TUBAL3: variants seen among roughly 807,000 people sequenced by gnomAD.
TUBAL3 encodes the protein tubulin alpha like 3.
In TUBAL3, 16 loss-of-function variants were observed where a neutral mutation model predicts 15.5. That is an observed-to-expected ratio of 1.04 (90% CI 0.70 to 1.57). TUBAL3 has a LOEUF of 1.57. Among genes scored for constraint, TUBAL3 ranks in the 40% most tolerant of loss-of-function variants. The pLI, the probability that TUBAL3 is intolerant of heterozygous loss-of-function variation, is 0.00. For synonymous variants in TUBAL3, 238 were observed against 224.3 expected, an observed-to-expected ratio of 1.06 and a Z score of -0.55; for missense variants, 609 against 576.2, an observed-to-expected ratio of 1.06 and a Z score of -0.58.
chr10:5,395,475 T>A lies in TUBAL3; in HGVS notation c.248A>T (p.Asp83Val). Residue 83 changes from aspartate to valine, a missense_variant and splice_region_variant, in exon 3 of 4, where the codon GAT becomes GTT. Coordinates refer to ENST00000380419, the MANE Select transcript of TUBAL3 (RefSeq NM_024803.3). This position sits in a 1 kb window ranked among gnomAD's most constrained non-coding sequence, Gnocchi z 4.6. The stretch of plus-strand genomic sequence containing the variant: ...ACGGTGCTGGCCCGTCCGGATCCCA[T>A]CTGCAGAGGGTGAAAGGAGGTCAGT... ...LFVDLEPTVIDGIRTGQHRSL... is the reference protein window; with the variant it reads ...LFVDLEPTVIVGIRTGQHRSL... 6.6e-7 allele frequency: 1 copy of A among 1,520,288 alleles called. No homozygotes were observed. The highest frequency in any genetic ancestry group is 8.9e-7 in the Non-Finnish European group (1 of 1,123,452). 94.2% of individuals were successfully genotyped at this position (1,520,288 alleles called of 1,614,324 possible).
chr10:5,400,646 T>C (rs1554814546), intron 2 of TUBAL3, among the ~76,000 whole-genome samples, 198 bp downstream of exon 2: 2 of 152,138 alleles, frequency 1.3e-5, no homozygotes, highest in Non-Finnish European at 2.9e-5. Context: ...TAAATTTAAA[T>C]TCAAAAACAC....
intron 2 of TUBAL3, among the ~76,000 whole-genome samples, chr10:5,398,552 C>T (rs1554814357): frequency 6.6e-6 from 1 of 151,810 alleles, no homozygotes; most frequent in African/African-American, 2.4e-5. Flanking sequence ...GATTACGCCA[C>T]TGCACTCCAG....
At position 5,394,411 on chromosome 10, in the gene TUBAL3, T is replaced by C; in HGVS notation, c.447A>G (p.Gly149=). The change falls in exon 4 of 4, where the codon GGA becomes GGG. Residue 149 remains glycine, a synonymous_variant. Transcript: ENST00000380419. This position sits in a 1 kb window ranked among gnomAD's most constrained non-coding sequence, Gnocchi z 4.3. ...ACGTAAACCCTGAACCAGTGCCTCC[T>C]CCAAAGCTTCGGAAAATCAAAAATC... ...LQGFLIFRSF[G]GGTGSGFTSL... 6.2e-7 allele frequency: 1 copy of C among 1,613,256 alleles called. No homozygotes were observed. Among genetic ancestry groups the C allele is most frequent in the South Asian group, 1.1e-5 (1 of 90,950 alleles).
chr10:5,393,733 C>A lies in TUBAL3; in HGVS notation c.1125G>T (p.Leu375=). 1.2e-6 allele frequency: 2 copies of A among 1,614,194 alleles called. No individual in the cohort carries two copies. The highest frequency in any genetic ancestry group is 8.5e-7 in the Non-Finnish European group (1 of 1,180,042). Residue 375 remains leucine, a synonymous_variant, in exon 4 of 4, where the codon CTG becomes CTT. Transcript: ENST00000380419. ...TGCAGATGGACCGGTGGACTTTGGC[C>A]AGGTCCCCACCCGGCATCACCGTGG... ...RPPTVMPGGD[L]AKVHRSICML...
chr10:5,404,691 T>C, intron 1 of TUBAL3, 99 bp downstream of exon 1: 1 of 1,256,912 alleles, frequency 8.0e-7, no homozygotes, highest in Admixed American at 1.9e-5. Context: ...ATGTCTTCTC[T>C]TGCATTACAA....
chr10:5,394,098 G>T lies in TUBAL3; in HGVS notation c.760C>A (p.Pro254Thr). Reference sequence around the variant, plus strand: ...AATTCAATTAGGTCTACATTCAAGGGCCCTTCAAACCGGAGGGAGGCAGTG... The same window carrying T: ...AATTCAATTAGGTCTACATTCAAGGTCCCTTCAAACCGGAGGGAGGCAGTG... ...SITASLRFEGPLNVDLIEFQT... is the reference protein window; with the variant it reads ...SITASLRFEGTLNVDLIEFQT... The change falls in exon 4 of 4, where the codon CCC (proline) becomes ACC (threonine). Residue 254 changes from proline (P) to threonine (T), a missense_variant. Transcript: ENST00000380419. The surrounding 1 kb of genome is among the most constrained non-coding windows in gnomAD (Gnocchi z 4.3). 2 of 1,614,208 alleles carry T rather than the reference G, an allele frequency of 1.2e-6. No individual in the cohort carries two copies. The highest frequency in any genetic ancestry group is 1.7e-6 in the Non-Finnish European group (2 of 1,180,040).
Position 5,400,969 on chromosome 10 carries a change from T to C in TUBAL3, c.122A>G (p.Gln41Arg). Residue 41 changes from glutamine (Q) to arginine (R), a missense_variant, in exon 2 of 4, where the codon CAG becomes CGG. Coordinates refer to ENST00000380419, the MANE Select transcript of TUBAL3 (RefSeq NM_024803.3). ...QPNGVVLDTQ[Q>R]DQLENAKMEH... ...CATTTTTGCATTTTCCAGCTGATCC[T>C]GTTGAGTGTCAAGAACAACGCCATT... is the stretch of plus-strand genomic sequence containing the variant. The C allele has an allele frequency of 6.2e-7, 1 of 1,614,240 alleles. No homozygotes were observed. The highest frequency in any genetic ancestry group is 8.5e-7 in the Non-Finnish European group (1 of 1,180,038).
intron 1 of TUBAL3, 26 bp downstream of exon 1, chr10:5,404,764 C>T (rs782602156): frequency 5.0e-6 from 8 of 1,612,818 alleles, no homozygotes; most frequent in Non-Finnish European, 6.8e-6. Flanking sequence ...TTTCCTACAA[C>T]AATGCATAGG....
In TUBAL3 at chr10:5,397,451, AG is replaced by A. The variant is rs1831781212; in HGVS notation, c.248-1977del. ...CTATAAGGCTGCATTCAGGCTAAGAAGGTAATTTACGGAAGCTTCCTTCTTC... is the reference window on the plus strand; with the variant it reads ...CTATAAGGCTGCATTCAGGCTAAGAAGTAATTTACGGAAGCTTCCTTCTTC... On this transcript the variant is annotated intron_variant, in intron 2 of 3. Coordinates refer to ENST00000380419, the MANE Select transcript of TUBAL3 (RefSeq NM_024803.3). This position sits in a 1 kb window ranked among gnomAD's most constrained non-coding sequence, Gnocchi z 4.9. Among the ~76,000 whole-genome samples the A allele has an allele frequency of 6.6e-6, 1 of 152,234 alleles. No homozygotes were observed. Among genetic ancestry groups the A allele is most frequent in the African/African-American group, 2.4e-5 (1 of 41,460 alleles).
chr10:5,402,710 C>A (rs1831875507), intron 1 of TUBAL3, among the ~76,000 whole-genome samples: 1 of 152,242 alleles, frequency 6.6e-6, no homozygotes, highest in Non-Finnish European at 1.5e-5. Flanking sequence ...CCTGTCGGAT[C>A]AGCGGCAGCA....
chr10:5,402,908 A>G (rs2119150198), intron 1 of TUBAL3, among the ~76,000 whole-genome samples: 1 of 152,352 alleles, frequency 6.6e-6, no homozygotes, highest in Non-Finnish European at 1.5e-5. Context: ...GGTGCCAAAA[A>G]GTTGAGGACC....
rs1831721713 is a variant in TUBAL3, at chr10:5,394,079, A to G, written c.779T>C (p.Ile260Thr). Reference protein sequence around the residue: ...RFEGPLNVDLIEFQTNLVPYP... With the variant: ...RFEGPLNVDLTEFQTNLVPYP... ...AGGTACCAGGTTGGTCTGGAATTCA[A>G]TTAGGTCTACATTCAAGGGCCCTTC... is the stretch of plus-strand genomic sequence containing the variant. The change falls in exon 4 of 4, where the codon ATT (isoleucine) becomes ACT (threonine). Residue 260 changes from isoleucine (I) to threonine (T), a missense_variant. By Grantham distance (89) the Ile-to-Thr change is moderately conservative (BLOSUM62 -1). Transcript: ENST00000380419. This position sits in a 1 kb window ranked among gnomAD's most constrained non-coding sequence, Gnocchi z 4.3. 3.7e-6 allele frequency: 6 copies of G among 1,614,084 alleles called. No individual in the cohort carries two copies. The highest frequency in any genetic ancestry group is 2.7e-5 in the African/African-American group (2 of 74,930).
At chr10:5,400,418 G>A (rs376798048) in intron 2 of TUBAL3, among the ~76,000 whole-genome samples, 1 of 152,106 alleles carries the variant, frequency 6.6e-6, no homozygotes, top group African/African-American at 2.4e-5. Flanking sequence ...GGTCACTTGA[G>A]GTCGGGAGTT....
In TUBAL3 at chr10:5,393,775, G is replaced by A. The variant is rs1831714185; in HGVS notation, c.1083C>T (p.Gly361=). Residue 361 remains glycine, a synonymous_variant, in exon 4 of 4, where the codon GGC becomes GGT. Coordinates refer to ENST00000380419, the MANE Select transcript of TUBAL3 (RefSeq NM_024803.3). ...VDWCPTGFKV[G]INNRPPTVMP... is the part of the protein sequence containing the mutation. Reference sequence around the variant, plus strand: ...TCACCGTGGGCGGCCGATTGTTGATGCCCACCTTGAAACCAGTTGGACACC... The same window carrying A: ...TCACCGTGGGCGGCCGATTGTTGATACCCACCTTGAAACCAGTTGGACACC... The A allele has an allele frequency of 1.2e-6, 2 of 1,614,088 alleles. No homozygotes were observed. The highest frequency in any genetic ancestry group is 1.3e-5 in the African/African-American group (1 of 74,924).
Position 5,395,256 on chromosome 10 carries a change from T to C in TUBAL3, c.396+71A>G. On this transcript the variant is annotated intron_variant, in intron 3 of 3. Transcript: ENST00000380419. This position sits in a 1 kb window ranked among gnomAD's most constrained non-coding sequence, Gnocchi z 4.6. Reference sequence around the variant, plus strand: ...TGGCGATGGTGACAGCAGATAATGCTTGTGAGTTCTGCCGCAGGACCCCAC... The same window carrying C: ...TGGCGATGGTGACAGCAGATAATGCCTGTGAGTTCTGCCGCAGGACCCCAC... 7.2e-7 allele frequency: 1 copy of C among 1,382,234 alleles called. No individual in the cohort carries two copies. The highest frequency in any genetic ancestry group is 9.5e-7 in the Non-Finnish European group (1 of 1,048,956). The allele number at this position is 1,382,234 out of a possible 1,614,324, so 85.6% of individuals were successfully genotyped here. A position where few individuals can be genotyped will look rare whatever the true frequency, so the allele number is the denominator to read the frequency against.
At chr10:5,401,564 C>T (rs1175980832) in intron 1 of TUBAL3, among the ~76,000 whole-genome samples, 3 of 151,884 alleles carry the variant, frequency 2.0e-5, no homozygotes, top group Non-Finnish European at 4.4e-5. Context: ...TAAAACTCAT[C>T]GCAGATAAAT....
At chr10:5,400,266 A>G (rs1384000669) in intron 2 of TUBAL3, among the ~76,000 whole-genome samples, 1 of 152,174 alleles carries the variant, frequency 6.6e-6, no homozygotes, top group Non-Finnish European at 1.5e-5. Context: ...CCAGGAAAAG[A>G]CTTAGTGTTC....
chr10:5,401,769 A>T (rs961693764), intron 1 of TUBAL3, among the ~76,000 whole-genome samples: 2 of 152,138 alleles, frequency 1.3e-5, no homozygotes, highest in Admixed American at 1.3e-4. Context: ...CACTTAAGAC[A>T]TCCACTAGCT....
In TUBAL3 at chr10:5,394,212, C is replaced by T. The variant is rs199531744; in HGVS notation, c.646G>A (p.Val216Ile). The change falls in exon 4 of 4, where the codon GTC becomes ATC. Residue 216 changes from valine (V) to isoleucine (I), a missense_variant. Coordinates refer to ENST00000380419, the MANE Select transcript of TUBAL3 (RefSeq NM_024803.3). The surrounding 1 kb of genome is among the most constrained non-coding windows in gnomAD (Gnocchi z 4.3). ...DCTFMVDNEA[V>I]YDICHRKLGV... ...AGTTTACGATGGCATATATCATAGA[C>T]GGCCTCGTTGTCCACCATGAAGGTA... 55 of 1,614,024 alleles carry T rather than the reference C, an allele frequency of 3.4e-5. No homozygotes were observed. Among genetic ancestry groups the T allele is most frequent in the African/African-American group, 1.2e-4 (9 of 74,894 alleles).
Sources: allele counts gnomAD v4.1 joint callset (sites outside exome capture counted in the v4.1 genomes callset), GRCh38; gene constraint gnomAD v4.1.1; non-coding constraint Gnocchi (gnomAD v3.1); transcripts MANE v1.5; gene names NCBI Gene and HGNC (gene_info 2026-07-23, HGNC 2026-07-21).